NRG3: variants seen among roughly 807,000 people sequenced by gnomAD.
NRG3 encodes the protein neuregulin 3, also known as pro-neuregulin-3, membrane-bound isoform.
Under a neutral mutation model 66.9 loss-of-function variants are expected in NRG3, and 31 were observed. The observed-to-expected ratio is 0.46, with a 90% CI of 0.35 to 0.63. The LOEUF (loss-of-function observed/expected upper bound fraction) is 0.63. Ranked by LOEUF, NRG3 falls within the 20% of genes least tolerant of loss-of-function variation. The pLI is 0.00. For synonymous variants in NRG3, 393 were observed against 359.4 expected (o/e 1.09, Z -1.06); for missense variants, 910 against 878.9 (o/e 1.04, Z -0.45).
At chr10:82,879,637 T>C (rs1316561032) in intron 4 of NRG3, among the ~76,000 whole-genome samples, 1 of 152,044 alleles carries the variant, frequency 6.6e-6, no homozygotes, top group East Asian at 1.9e-4. Flanking sequence ...CACACCCGGC[T>C]AATTTTTTTC....
chr10:82,629,805 T>G (rs2049690608), intron 2 of NRG3, among the ~76,000 whole-genome samples: 1 of 152,168 alleles, frequency 6.6e-6, no homozygotes. Flanking sequence ...TCTGTGAAGT[T>G]AAAACTGAAG....
chr10:82,238,446 G>A (rs2076855220), intron 1 of NRG3, among the ~76,000 whole-genome samples: 1 of 152,024 alleles, frequency 6.6e-6, no homozygotes, highest in African/African-American at 2.4e-5. Context: ...ATACAGAAAA[G>A]TCCCTTGTTC....
rs76698800 is a variant in NRG3 at position 82,511,831 on chromosome 10, C to T, written c.953+152963C>T. The stretch of plus-strand genomic sequence containing the variant: ...AACTATCAGACACCTCAGCTTCTCT[C>T]GTGTCTACTTTATCTCCCAGTTTAG... On this transcript the variant is annotated intron_variant, in intron 2 of 8. Coordinates refer to ENST00000372141, the MANE Select transcript of NRG3 (RefSeq NM_001010848.4). Among the ~76,000 whole-genome samples, 1,316 of 151,590 alleles carry T rather than the reference C, an allele frequency of 8.7e-3. 19 individuals carry two copies. The highest frequency in any genetic ancestry group is 0.029 in the African/African-American group (1,209 of 41,298).
chr10:82,469,565 A>C (rs531070715), intron 2 of NRG3, among the ~76,000 whole-genome samples: 5 of 152,296 alleles, frequency 3.3e-5, no homozygotes, highest in Admixed American at 1.3e-4. Flanking sequence ...TCAGGGAGTG[A>C]TCATGGCTAG....
intron 4 of NRG3, among the ~76,000 whole-genome samples, chr10:82,920,854 A>G (rs994078319): frequency 6.6e-6 from 1 of 152,184 alleles, no homozygotes; most frequent in Non-Finnish European, 1.5e-5. Context: ...TTAAATGGAA[A>G]TCCATGTGCA....
At chr10:82,354,681 C>T (rs764167597) in intron 1 of NRG3, among the ~76,000 whole-genome samples, 6 of 152,100 alleles carry the variant, frequency 3.9e-5, no homozygotes, top group Non-Finnish European at 5.9e-5. Flanking sequence ...TGTGAGCCAC[C>T]GCGCTGGGCC....
At chr10:82,809,834 C>A (rs2061421984) in intron 3 of NRG3, among the ~76,000 whole-genome samples, 1 of 152,024 alleles carries the variant, frequency 6.6e-6, no homozygotes, top group South Asian at 2.1e-4. Flanking sequence ...CCCCCATTCT[C>A]ACAATCTGCT....
At chr10:82,660,628 T>C (rs189354458) in intron 2 of NRG3, among the ~76,000 whole-genome samples, 1 of 152,210 alleles carries the variant, frequency 6.6e-6, no homozygotes, top group African/African-American at 2.4e-5. Context: ...AAACTTCAGA[T>C]AAAAATAAAT....
At chr10:81,991,264 T>C (rs1399414080) in intron 1 of NRG3, among the ~76,000 whole-genome samples, 3 of 152,200 alleles carry the variant, frequency 2.0e-5, no homozygotes, top group African/African-American at 4.8e-5. Flanking sequence ...TTAATATCTC[T>C]GATCCTTTTT....
chr10:82,474,654 A>G (rs950148803), intron 2 of NRG3, among the ~76,000 whole-genome samples: 1 of 152,170 alleles, frequency 6.6e-6, no homozygotes, highest in African/African-American at 2.4e-5. Flanking sequence ...TGTATGTACT[A>G]CAGGAGTCCA....
intron 2 of NRG3, among the ~76,000 whole-genome samples, chr10:82,719,654 A>G (rs941273393): frequency 1.3e-5 from 2 of 152,174 alleles, no homozygotes; most frequent in Non-Finnish European, 2.9e-5. Context: ...TGATAGACCC[A>G]TTGGTTTTAC....
At chr10:82,395,144 A>G (rs559860276) in intron 2 of NRG3, among the ~76,000 whole-genome samples, 1 of 152,300 alleles carries the variant, frequency 6.6e-6, no homozygotes, top group Non-Finnish European at 1.5e-5. Context: ...CTGCCAATTC[A>G]TTGAAATGAG....
At chr10:82,464,398 G>A (rs977747507) in intron 2 of NRG3, among the ~76,000 whole-genome samples, 2 of 152,302 alleles carry the variant, frequency 1.3e-5, no homozygotes, top group Admixed American at 1.3e-4. Flanking sequence ...TAATTGACTC[G>A]ATGGGGGGAA....
chr10:82,885,293 CAGG>C (rs900252720), intron 4 of NRG3, among the ~76,000 whole-genome samples: 17 of 152,210 alleles, frequency 1.1e-4, no homozygotes, highest in Admixed American at 1.1e-3. Flanking sequence ...GTAGCTGAAA[CAGG>C]AGCATTATCT....
At chr10:82,206,139 C>A (rs1265008135) in intron 1 of NRG3, among the ~76,000 whole-genome samples, 1 of 152,140 alleles carries the variant, frequency 6.6e-6, no homozygotes, top group African/African-American at 2.4e-5. Flanking sequence ...TCTCACCTCC[C>A]AAAATACCAC....
chr10:82,883,580 C>T (rs1347142379), intron 4 of NRG3, among the ~76,000 whole-genome samples: 1 of 152,122 alleles, frequency 6.6e-6, no homozygotes, highest in African/African-American at 2.4e-5. Context: ...CCCTAGTCAA[C>T]TTATATTTGT....
chr10:82,820,682 T>G (rs2061912823), intron 3 of NRG3, among the ~76,000 whole-genome samples: 1 of 152,204 alleles, frequency 6.6e-6, no homozygotes. Flanking sequence ...CAGTTAAGTA[T>G]CCTCTGCTGC....
intron 2 of NRG3, among the ~76,000 whole-genome samples, chr10:82,410,875 G>GTATGA (rs1204224106): frequency 6.6e-6 from 1 of 152,034 alleles, no homozygotes; most frequent in Non-Finnish European, 1.5e-5. Context: ...TCTCTCAGTA[G>GTATGA]TACACAAAGT....
chr10:82,779,664 A>G (rs1011747215), intron 3 of NRG3, among the ~76,000 whole-genome samples: 4 of 152,012 alleles, frequency 2.6e-5, no homozygotes, highest in East Asian at 1.9e-4. Context: ...TATATATTTC[A>G]TTTCCAAAAT....
Sources: gnomAD v4.1 joint callset for allele counts (sites outside exome capture counted in the v4.1 genomes callset) on GRCh38, gnomAD v4.1.1 for gene constraint, MANE v1.5 for transcripts, NCBI Gene and HGNC (gene_info 2026-07-23, HGNC 2026-07-21) for gene names.